DICER1: variants seen among roughly 807,000 people sequenced by gnomAD.
The protein encoded by DICER1 is dicer 1, ribonuclease III.
DICER1 carries 43 observed loss-of-function variants against 194.1 expected under a neutral mutation model. That is an observed-to-expected ratio of 0.22 (90% CI 0.17 to 0.29). The LOEUF (loss-of-function observed/expected upper bound fraction) is 0.29, where lower values mean the gene tolerates loss of function less well. Ranked by LOEUF, DICER1 falls within the 10% of genes least tolerant of loss-of-function variation. The pLI is 1.00. For synonymous variants in DICER1, 832 were observed against 820.5 expected, an observed-to-expected ratio of 1.01 and a Z score of -0.24; for missense variants, 1,608 against 2,317.0, an observed-to-expected ratio of 0.69 and a Z score of 6.28.
intron 1 of DICER1, among the ~76,000 whole-genome samples, chr14:95,135,354 A>T (rs897243569): frequency 4.6e-5 from 7 of 152,220 alleles, no homozygotes; most frequent in African/African-American, 1.7e-4. Context: ...TATAAAACAA[A>T]GGAGAAAAGA....
At chr14:95,145,422 A>G (rs1485740149) in intron 1 of DICER1, among the ~76,000 whole-genome samples, 1 of 152,264 alleles carries the variant, frequency 6.6e-6, no homozygotes, top group Non-Finnish European at 1.5e-5. Flanking sequence ...ACTGTGTACT[A>G]CTTACTGGCT....
In DICER1 at chr14:95,086,419, T is replaced by G. The variant is rs1462063582; in HGVS notation, c.*4079A>C. On this transcript the variant is annotated 3_prime_UTR_variant, in exon 27 of 27. Transcript: ENST00000343455. ...GGTAAATATTTTATTGTCAATCAAA[T>G]AATATGCATTAGTTTTACTTGATTT... is the stretch of plus-strand genomic sequence containing the variant. 1 of 233,254 alleles carries G rather than the reference T, an allele frequency of 4.3e-6. No homozygotes were observed. The highest frequency in any genetic ancestry group is 5.6e-5 in the Admixed American group (1 of 17,788). 14.4% of individuals were successfully genotyped at this position (233,254 alleles called of 1,614,324 possible). A position where few individuals can be genotyped will look rare whatever the true frequency, so the allele number is the denominator to read the frequency against.
chr14:95,132,692 A>G lies in DICER1; in HGVS notation c.145-15T>C, dbSNP rs1377575244. 4 of 1,609,262 alleles carry G rather than the reference A, an allele frequency of 2.5e-6. No individual in the cohort carries two copies. Among genetic ancestry groups the G allele is most frequent in the African/African-American group, 1.3e-5 (1 of 74,614 alleles). On this transcript the variant is annotated splice_polypyrimidine_tract_variant and intron_variant, in intron 2 of 26. Transcript: ENST00000343455. ...AGCAGTTCAACCTAGAAACATGGTGAAAAAAAAGTTATGCACTTCTTACCT... is the reference window on the plus strand; with the variant it reads ...AGCAGTTCAACCTAGAAACATGGTGGAAAAAAAGTTATGCACTTCTTACCT...
chr14:95,140,686 G>A (rs1894775224), intron 1 of DICER1: 1 of 152,162 alleles, frequency 6.6e-6, no homozygotes, highest in Admixed American at 6.5e-5. Flanking sequence ...TCTCTGTGTT[G>A]CTCTTGTCTG....
intron 10 of DICER1, among the ~76,000 whole-genome samples, chr14:95,116,058 G>GACACACACACACACAC (rs150390018): frequency 2.9e-4 from 41 of 143,034 alleles, no homozygotes; most frequent in Non-Finnish European, 7.8e-5. Flanking sequence ...TGCCTACACA[G>GACACACACACACACAC]ACACACACAC....
rs878855264 is a variant in DICER1, at chr14:95,096,608, A to T, written c.4312T>A (p.Tyr1438Asn). 3.1e-6 allele frequency: 5 copies of T among 1,611,762 alleles called. No individual in the cohort carries two copies. The highest frequency in any genetic ancestry group is 4.2e-6 in the Non-Finnish European group (5 of 1,178,748). ...TCATACTCCAGGAAATCATCTTCAT[A>T]GTCAGCCTCTTCCTTCGGAGCCCTC... is the stretch of plus-strand genomic sequence containing the variant. ...MWRAPKEEAD[Y>N]EDDFLEYDQE... Residue 1438 changes from tyrosine (Y) to asparagine (N), a missense_variant, in exon 23 of 27, where the codon TAT (tyrosine) becomes AAT (asparagine). Physicochemically the swap from Tyr to Asn is moderately radical, Grantham distance 143. Transcript: ENST00000343455.
rs1595447658 is a variant in DICER1 at position 95,126,614 on chromosome 14, G to T, written c.869C>A (p.Ser290Ter). The T allele has an allele frequency of 6.4e-7, 1 of 1,551,034 alleles. No individual in the cohort carries two copies. Among genetic ancestry groups the T allele is most frequent in the Non-Finnish European group, 8.9e-7 (1 of 1,123,104 alleles). The change falls in exon 7 of 27, where the codon TCA becomes TAA. Residue 290 changes from serine (S) to a stop codon, truncating the protein, a stop_gained. Transcript: ENST00000343455. LOFTEE classifies it high-confidence loss of function. ...AATTAAAGTAGAATCTCTTTCTTTT[G>T]AATGTACAGATATATTACAATCATT... is the stretch of plus-strand genomic sequence containing the variant. ...FINDCNISVH[S>*]KERDSTLISK... is the part of the protein sequence containing the mutation.
intron 1 of DICER1, among the ~76,000 whole-genome samples, chr14:95,149,216 T>A (rs1895348790): frequency 6.6e-6 from 1 of 152,154 alleles, no homozygotes; most frequent in Non-Finnish European, 1.5e-5. Flanking sequence ...ATATATAACA[T>A]GAATACTTAA....
chr14:95,142,436 C>T (rs1304391791), intron 1 of DICER1, among the ~76,000 whole-genome samples: 1 of 152,308 alleles, frequency 6.6e-6, no homozygotes, highest in East Asian at 1.9e-4. Flanking sequence ...CGCACACCAA[C>T]ATGTCCTGCT....
chr14:95,105,346 GC>G lies in DICER1; in HGVS notation c.3094-101del, dbSNP rs2139990536. On this transcript the variant is annotated intron_variant, in intron 19 of 26. Coordinates refer to ENST00000343455, the MANE Select transcript of DICER1 (RefSeq NM_177438.3). This position sits in a 1 kb window ranked among gnomAD's most constrained non-coding sequence, Gnocchi z 4.9. ...CTAATGGATAAAGAAAATCATAAAT[GC>G]TAGTAAAACTTAATTTTAAAAAATA... 1 of 1,118,782 alleles carries G rather than the reference GC, an allele frequency of 8.9e-7. No homozygotes were observed. The highest frequency in any genetic ancestry group is 2.4e-5 in the East Asian group (1 of 42,238). The allele number at this position is 1,118,782 out of a possible 1,614,324, so 69.3% of individuals were successfully genotyped here. A position where few individuals can be genotyped will look rare whatever the true frequency, so the allele number is the denominator to read the frequency against.
At chr14:95,135,116 C>A (rs189221713) in intron 1 of DICER1, among the ~76,000 whole-genome samples, 1 of 152,150 alleles carries the variant, frequency 6.6e-6, no homozygotes, top group African/African-American at 2.4e-5. Context: ...ACTCTGAAGG[C>A]CCAAGGCTAA....
intron 21 of DICER1, among the ~76,000 whole-genome samples, chr14:95,100,901 A>G (rs989224714): frequency 6.6e-6 from 1 of 152,192 alleles, no homozygotes; most frequent in African/African-American, 2.4e-5. Flanking sequence ...ACGTGTGACC[A>G]CTATAGCCAA....
chr14:95,124,031 C>T lies in DICER1; in HGVS notation c.1376+165G>A, dbSNP rs1399907282. Among the ~76,000 whole-genome samples, 2 of 152,110 alleles carry T rather than the reference C, an allele frequency of 1.3e-5. No homozygotes were observed. Among genetic ancestry groups the T allele is most frequent in the Non-Finnish European group, 2.9e-5 (2 of 68,028 alleles). ...GAAAAGCAGCCTTCTGGAAAACATC[C>T]TCTCTGTCAATCCCAGGACAGCATG... On this transcript the variant is annotated intron_variant, in intron 8 of 26. Transcript: ENST00000343455. This position sits in a 1 kb window ranked among gnomAD's most constrained non-coding sequence, Gnocchi z 4.5.
chr14:95,107,856 C>T (rs1320226534), intron 16 of DICER1, 24 bp downstream of exon 16: 1 of 1,609,378 alleles, frequency 6.2e-7, no homozygotes, highest in Non-Finnish European at 8.5e-7. Flanking sequence ...CTAGAGTTAT[C>T]AAAGTAAGAG....
intron 7 of DICER1, 59 bp downstream of exon 7, chr14:95,126,521 A>G: frequency 8.9e-7 from 1 of 1,128,192 alleles, no homozygotes; most frequent in Non-Finnish European, 1.3e-6. Context: ...TCATTTCAAT[A>G]TTAAAAATTA....
chr14:95,143,420 A>C (rs1177605866), intron 1 of DICER1, among the ~76,000 whole-genome samples: 1 of 152,112 alleles, frequency 6.6e-6, no homozygotes, highest in Non-Finnish European at 1.5e-5. Flanking sequence ...AATGTATATA[A>C]ATTTAAGTCT....
intron 6 of DICER1, among the ~76,000 whole-genome samples, chr14:95,128,236 A>G (rs1368878057): frequency 6.6e-6 from 1 of 152,226 alleles, no homozygotes; most frequent in Non-Finnish European, 1.5e-5. Flanking sequence ...CCCAAAACAG[A>G]ATTTATACTC....
chr14:95,091,488 T>C (rs1319660020), intron 24 of DICER1, 123 bp from the exon 25 acceptor site: 3 of 875,796 alleles, frequency 3.4e-6, no homozygotes, highest in Non-Finnish European at 1.9e-6. Flanking sequence ...GGAAATACCA[T>C]TTATGGTATG....
chr14:95,118,028 C>T (rs747697819), intron 8 of DICER1, among the ~76,000 whole-genome samples: 3 of 152,120 alleles, frequency 2.0e-5, no homozygotes, highest in Non-Finnish European at 2.9e-5. Context: ...GATTTGGCGA[C>T]GGTGATTTAA....
Sources: gnomAD v4.1 joint callset for allele counts (sites outside exome capture counted in the v4.1 genomes callset) on GRCh38, gnomAD v4.1.1 for gene constraint, Gnocchi (gnomAD v3.1) non-coding constraint, MANE v1.5 for transcripts, NCBI Gene and HGNC (gene_info 2026-07-23, HGNC 2026-07-21) for gene names.